The following CEP104 variants were observed in gnomAD, a reference collection of about 807,000 sequenced individuals.
The protein encoded by CEP104 is centrosomal protein of 104 kDa.
CEP104 carries 84 observed loss-of-function variants against 113.3 expected under a neutral mutation model. That is an observed-to-expected ratio of 0.74 (90% CI 0.62 to 0.89). The LOEUF (loss-of-function observed/expected upper bound fraction) is 0.89, where lower values mean the gene tolerates loss of function less well. CEP104 is among the 40% of genes least tolerant of loss of function. The pLI is 0.00. For synonymous variants in CEP104, 378 were observed against 421.7 expected, an observed-to-expected ratio of 0.90 and a Z score of 1.27; for missense variants, 1,053 against 1,156.6, an observed-to-expected ratio of 0.91 and a Z score of 1.30.
intron 12 of CEP104, among the ~76,000 whole-genome samples, chr1:3,833,442 G>A (rs959584809): frequency 5.9e-5 from 9 of 152,180 alleles, no homozygotes; most frequent in Non-Finnish European, 1.2e-4. Context: ...GTGCATAACT[G>A]TGTGCCCCAA....
At position 3,816,305 on chromosome 1, in the gene CEP104, C is replaced by T; in HGVS notation, c.2637G>A (p.Leu879=). The T allele has an allele frequency of 6.4e-7, 1 of 1,553,296 alleles. No individual in the cohort carries two copies. Among genetic ancestry groups the T allele is most frequent in the Non-Finnish European group, 8.7e-7 (1 of 1,147,836 alleles). ...CTMNLRKTHI[L]QKAPALQPGK... ...CTGGCTGCAGTGCCGGGGCCTTCTG[C>T]AGAATGTGTGTCTTGCGCAGGTTCA... The change falls in exon 21 of 22, where the codon CTG becomes CTA. Residue 879 remains leucine, a synonymous_variant. Transcript: ENST00000378230.
chr1:3,833,991 T>C lies in CEP104; in HGVS notation c.1530A>G (p.Gln510=). 2.5e-6 allele frequency: 4 copies of C among 1,613,776 alleles called. No individual in the cohort carries two copies. Among genetic ancestry groups the C allele is most frequent in the Non-Finnish European group, 3.4e-6 (4 of 1,179,628 alleles). ...TACTCAGTTTATGTTTAGGAATATA[T>C]TGTGTAATGATCATTTTCAACAATT... ...SLKLLKMIIT[Q]YIPKHKLSKL... Residue 510 remains glutamine, a synonymous_variant, in exon 12 of 22, where the codon CAA becomes CAG. Transcript: ENST00000378230.
At chr1:3,828,629 T>C (rs6659702) in intron 15 of CEP104, among the ~76,000 whole-genome samples, 81,397 of 152,024 alleles carry the variant, frequency 0.54, 22,685 homozygotes, top group African/African-American at 0.66. Context: ...CTCATTCACC[T>C]GGCACGGCTG....
intron 21 of CEP104, chr1:3,816,015 G>C: frequency 2.3e-6 from 1 of 430,668 alleles, no homozygotes; most frequent in Non-Finnish European, 4.2e-6. Flanking sequence ...TGTAGAAAGA[G>C]CGGAGGACGG....
chr1:3,824,097 AT>A (rs1644036309), intron 18 of CEP104, among the ~76,000 whole-genome samples: 2 of 152,108 alleles, frequency 1.3e-5, no homozygotes, highest in Admixed American at 1.3e-4. Flanking sequence ...GGATATATAT[AT>A]TTTTTGAGAT....
At chr1:3,835,286 G>A (rs185483742) in intron 10 of CEP104, among the ~76,000 whole-genome samples, 194 bp from the exon 11 acceptor site, 1 of 152,124 alleles carries the variant, frequency 6.6e-6, no homozygotes, top group Non-Finnish European at 1.5e-5. Context: ...AATTTTCTCT[G>A]ATAAGGAAAT....
In CEP104 at chr1:3,814,501, G is replaced by C. The variant is rs1202689067; in HGVS notation, c.*901C>G. 1 of 152,256 alleles carries C rather than the reference G, an allele frequency of 6.6e-6. No individual in the cohort carries two copies. The highest frequency in any genetic ancestry group is 2.4e-5 in the African/African-American group (1 of 41,474). The allele number at this position is 152,256 out of a possible 1,614,324, so 9.4% of individuals were successfully genotyped here. Reference sequence around the variant, plus strand: ...TCCAATCACAACATGGATGTGGAAGGGGCGGGAGGCCCATACCAGTGGGCT... The same window carrying C: ...TCCAATCACAACATGGATGTGGAAGCGGCGGGAGGCCCATACCAGTGGGCT... On this transcript the variant is annotated 3_prime_UTR_variant, in exon 22 of 22. Coordinates refer to ENST00000378230, the MANE Select transcript of CEP104 (RefSeq NM_014704.4).
chr1:3,830,992 G>A, intron 13 of CEP104, 54 bp downstream of exon 13: 1 of 1,504,256 alleles, frequency 6.6e-7, no homozygotes, highest in South Asian at 1.2e-5. Context: ...CCACGCTCCA[G>A]GCACTGTGGT....
At chr1:3,826,784 C>T (rs1232808144) in intron 15 of CEP104, 40 bp from the exon 16 acceptor site, 1 of 1,586,988 alleles carries the variant, frequency 6.3e-7, no homozygotes, top group Non-Finnish European at 8.6e-7. Context: ...CAAAGGGCTG[C>T]AGTGTGAGTG....
intron 15 of CEP104, among the ~76,000 whole-genome samples, chr1:3,827,333 G>C (rs966402170): frequency 5.3e-5 from 8 of 152,104 alleles, no homozygotes; most frequent in African/African-American, 1.9e-4. Flanking sequence ...TCCTGCCCCA[G>C]CCTCCTGAGT....
intron 20 of CEP104, among the ~76,000 whole-genome samples, chr1:3,820,495 G>A (rs1358160701): frequency 4.2e-5 from 1 of 23,706 alleles, no homozygotes; most frequent in Non-Finnish European, 6.9e-5. Context: ...GCAGGACGGC[G>A]CCTCTGTCTG....
At chr1:3,837,121 C>T (rs1347082988) in intron 9 of CEP104, 171 bp downstream of exon 9, 5 of 604,756 alleles carry the variant, frequency 8.3e-6, no homozygotes, top group African/African-American at 1.9e-5. Context: ...TAGGCCTATT[C>T]CTTATGTGGC....
rs897434381 is a variant in CEP104, at chr1:3,834,398, A to G, written c.1486-363T>C. On this transcript the variant is annotated intron_variant, in intron 11 of 21. Transcript: ENST00000378230. ...CCGAGTATCTAACAACCCTGCTTCA[A>G]TGGGTAAGCCCAAATCTTCCCTTCA... is the stretch of plus-strand genomic sequence containing the variant. Among the ~76,000 whole-genome samples, 13 of 151,236 alleles carry G rather than the reference A, an allele frequency of 8.6e-5. 1 individual carries two copies. The highest frequency in any genetic ancestry group is 1.3e-4 in the Non-Finnish European group (9 of 67,810).
intron 1 of CEP104, among the ~76,000 whole-genome samples, chr1:3,854,713 G>A (rs1644680287): frequency 6.8e-6 from 1 of 146,188 alleles, no homozygotes; most frequent in African/African-American, 2.5e-5. Context: ...TCGAACTCCT[G>A]GCCAATCTGC....
chr1:3,818,302 A>C (rs1421743181), intron 20 of CEP104, among the ~76,000 whole-genome samples: 1 of 152,058 alleles, frequency 6.6e-6, no homozygotes, highest in Admixed American at 6.5e-5. Context: ...CACGCTTACA[A>C]ACCCCACATT....
chr1:3,822,977 C>T (rs894141099), intron 20 of CEP104, 197 bp downstream of exon 20: 37 of 613,074 alleles, frequency 6.0e-5, no homozygotes, highest in South Asian at 5.0e-4. Context: ...CATAAATGTA[C>T]GGAAGGAAAT....
chr1:3,847,455 C>A lies in CEP104; in HGVS notation c.426+20G>T, dbSNP rs369593331. The A allele has an allele frequency of 3.8e-5, 59 of 1,554,944 alleles. No individual in the cohort carries two copies. In the South Asian group the frequency reaches 7.0e-4, roughly 18 times the overall value. On this transcript the variant is annotated intron_variant, in intron 4 of 21. Coordinates refer to ENST00000378230, the MANE Select transcript of CEP104 (RefSeq NM_014704.4). ...AAGAAGGTAGGGGCAGAATCAAAGG[C>A]GAAGCTGCATGCATCTTACCTGATT... is the stretch of plus-strand genomic sequence containing the variant.
chr1:3,852,911 C>T (rs562048947), intron 1 of CEP104, among the ~76,000 whole-genome samples: 212 of 102,180 alleles, frequency 2.1e-3, no homozygotes, highest in African/African-American at 5.5e-3. Flanking sequence ...CGGCCAAGGA[C>T]GGCTGAGGAT....
chr1:3,850,572 A>G (rs1031507034), intron 2 of CEP104, among the ~76,000 whole-genome samples: 3 of 152,094 alleles, frequency 2.0e-5, no homozygotes, highest in African/African-American at 7.2e-5. Context: ...GCATCAATCT[A>G]TGCCCTGAGC....
Sources: allele counts gnomAD v4.1 joint callset (sites outside exome capture counted in the v4.1 genomes callset), GRCh38; gene constraint gnomAD v4.1.1; transcripts MANE v1.5; gene names NCBI Gene and HGNC (gene_info 2026-07-23, HGNC 2026-07-21).